PABPC1: variants seen among roughly 807,000 people sequenced by gnomAD.
The protein encoded by PABPC1 is poly(A) binding protein cytoplasmic 1, also known as polyadenylate-binding protein 1.
PABPC1 carries 4 observed loss-of-function variants against 74.0 expected under a neutral mutation model. The observed-to-expected ratio is 0.05, with a 90% CI of 0.03 to 0.12. The LOEUF is 0.12. PABPC1 is among the 10% of genes least tolerant of loss of function. PABPC1 has a pLI of 1.00. For missense variants in PABPC1, 271 were observed against 821.1 expected (o/e 0.33, Z 8.19); for synonymous variants, 227 against 264.1 (o/e 0.86, Z 1.36).
In PABPC1 at chr8:100,721,097, A is replaced by G. The variant is rs895367194; in HGVS notation, c.193+294T>C. Among the ~76,000 whole-genome samples, 2 of 152,028 alleles carry G rather than the reference A, an allele frequency of 1.3e-5. No individual in the cohort carries two copies. The highest frequency in any genetic ancestry group is 4.8e-5 in the African/African-American group (2 of 41,410). On this transcript the variant is annotated intron_variant, in intron 1 of 14. Coordinates refer to ENST00000318607, the MANE Select transcript of PABPC1 (RefSeq NM_002568.4). The surrounding 1 kb of genome is among the most constrained non-coding windows in gnomAD (Gnocchi z 7.4). Reference sequence around the variant, plus strand: ...CCACTGGCGGGAGCGCCGCGGAGGAACCGAATCTCACCCACCCTCCCGGCG... The same window carrying G: ...CCACTGGCGGGAGCGCCGCGGAGGAGCCGAATCTCACCCACCCTCCCGGCG...
At chr8:100,706,863 T>C (rs1231957412) in intron 10 of PABPC1, 24 bp downstream of exon 10, 1 of 1,069,436 alleles carries the variant, frequency 9.4e-7, no homozygotes, top group African/African-American at 2.0e-5. Flanking sequence ...GTGATCAATT[T>C]TTAAAGGAAG....
chr8:100,717,079 C>T (rs934226330), intron 3 of PABPC1, among the ~76,000 whole-genome samples: 3 of 152,116 alleles, frequency 2.0e-5, no homozygotes, highest in African/African-American at 4.8e-5. Flanking sequence ...GGCGAAATCT[C>T]GGTTCACTGC....
chr8:100,709,433 G>A, intron 8 of PABPC1, 26 bp downstream of exon 8: 1 of 1,613,248 alleles, frequency 6.2e-7, no homozygotes, highest in Non-Finnish European at 8.5e-7. Context: ...AAACCTTCAT[G>A]GTTCTGGTTG....
chr8:100,712,695 C>T lies in PABPC1; in HGVS notation c.833G>A (p.Arg278His). The change falls in exon 6 of 15, where the codon CGC becomes CAC. Residue 278 changes from arginine to histidine, a missense_variant. Physicochemically the swap from Arg to His is conservative, Grantham distance 29. Transcript: ENST00000318607. The stretch of plus-strand genomic sequence containing the variant: ...ATCTTGTTTCATCTGTTCAAATTTG[C>T]GCTTAAGTTCCGTCTGCCGTTCCAC... ...KKVERQTELK[R>H]KFEQMKQDRI... 2 of 1,569,612 alleles carry T rather than the reference C, an allele frequency of 1.3e-6. No individual in the cohort carries two copies. The highest frequency in any genetic ancestry group is 1.7e-6 in the Non-Finnish European group (2 of 1,163,624).
At chr8:100,709,011 T>C (rs986755719) in intron 9 of PABPC1, 122 bp downstream of exon 9, 6 of 799,644 alleles carry the variant, frequency 7.5e-6, no homozygotes, top group Non-Finnish European at 1.3e-5. Context: ...AAAATGAACA[T>C]CCATAACCAC....
chr8:100,706,012 T>C (rs1224525624), intron 11 of PABPC1, among the ~76,000 whole-genome samples: 3 of 152,180 alleles, frequency 2.0e-5, no homozygotes, highest in Non-Finnish European at 4.4e-5. Context: ...CAAGCCTGGC[T>C]AATCTTTATA....
In PABPC1 at chr8:100,712,704, T is replaced by C. The variant is rs1320609770; in HGVS notation, c.824A>G (p.Glu275Gly). The C allele has an allele frequency of 6.4e-7, 1 of 1,551,082 alleles. No individual in the cohort carries two copies. Among genetic ancestry groups the C allele is most frequent in the Non-Finnish European group, 8.8e-7 (1 of 1,142,418 alleles). ...CATCTGTTCAAATTTGCGCTTAAGT[T>C]CCGTCTGCCGTTCCACCTTTTTCTG... ...RAQKKVERQT[E>G]LKRKFEQMKQ... The change falls in exon 6 of 15, where the codon GAA (glutamate) becomes GGA (glycine). Residue 275 changes from glutamate to glycine, a missense_variant. This residue lies in a region of PABPC1 where 78 missense variants were observed against 202.8 expected (regional missense o/e 0.38). Transcript: ENST00000318607.
intron 1 of PABPC1, among the ~76,000 whole-genome samples, chr8:100,720,005 T>C (rs994655988): frequency 2.0e-5 from 3 of 152,260 alleles, no homozygotes; most frequent in African/African-American, 7.2e-5. Flanking sequence ...CCAAAATCAG[T>C]ATCAACTTTA....
intron 7 of PABPC1, 35 bp from the exon 8 acceptor site, chr8:100,709,766 G>A: frequency 1.3e-6 from 2 of 1,546,986 alleles, no homozygotes; most frequent in African/African-American, 1.4e-5. Context: ...TTAACGTAAT[G>A]GTAGAATGAG....
intron 7 of PABPC1, among the ~76,000 whole-genome samples, chr8:100,710,113 C>T (rs978245556): frequency 6.6e-6 from 1 of 152,140 alleles, no homozygotes; most frequent in Non-Finnish European, 1.5e-5. Flanking sequence ...TTTGACTATT[C>T]TAACAATTCA....
At chr8:100,703,521 T>C (rs759555120) in intron 14 of PABPC1, among the ~76,000 whole-genome samples, 162 bp from the exon 15 acceptor site, 1 of 152,328 alleles carries the variant, frequency 6.6e-6, no homozygotes, top group African/African-American at 2.4e-5. Context: ...TGTCTTGACA[T>C]GGTAACACTG....
At chr8:100,704,898 G>A (rs1810341927) in intron 13 of PABPC1, 28 bp downstream of exon 13, 2 of 1,610,354 alleles carry the variant, frequency 1.2e-6, no homozygotes, top group East Asian at 4.5e-5. Flanking sequence ...CTGTGTAAGA[G>A]GCAACTTGGT....
intron 9 of PABPC1, among the ~76,000 whole-genome samples, chr8:100,707,709 C>A (rs1030713398): frequency 6.6e-5 from 10 of 152,222 alleles, no homozygotes; most frequent in African/African-American, 2.4e-4. Flanking sequence ...GCAGGCAAGC[C>A]TGACTGATGT....
chr8:100,721,700 G>T lies in PABPC1; in HGVS notation c.-117C>A. On this transcript the variant is annotated 5_prime_UTR_variant, in exon 1 of 15. Transcript: ENST00000318607. The surrounding 1 kb of genome is among the most constrained non-coding windows in gnomAD (Gnocchi z 7.4). ...GGGGAGCGGGGAGCAAGCGCAGAGG[G>T]ACAAAAATCAACCGGAATTGAAAAC... is the stretch of plus-strand genomic sequence containing the variant. 1 of 874,968 alleles carries T rather than the reference G, an allele frequency of 1.1e-6. No individual in the cohort carries two copies. The highest frequency in any genetic ancestry group is 2.2e-5 in the South Asian group (1 of 44,858). The allele number at this position is 874,968 out of a possible 1,614,324, so 54.2% of individuals were successfully genotyped here.
intron 14 of PABPC1, 61 bp from the exon 15 acceptor site, chr8:100,703,420 G>C (rs776813512): frequency 7.2e-5 from 11 of 152,468 alleles, no homozygotes; most frequent in Non-Finnish European, 1.5e-4. Context: ...GCAAATTAAA[G>C]CCCTTAGCCA....
Position 100,721,645 on chromosome 8 carries a change from TGCCGGGGCTGGGG to T in PABPC1, c.-75_-63del. ...CTTTCCGTGAGAGGAGGAGAGCGAG[TGCCGGGGCTGGGG>T]GCCGGAGCCGGGGGGAGGGGAGCGG... On this transcript the variant is annotated 5_prime_UTR_variant, in exon 1 of 15. Coordinates refer to ENST00000318607, the MANE Select transcript of PABPC1 (RefSeq NM_002568.4). This position sits in a 1 kb window ranked among gnomAD's most constrained non-coding sequence, Gnocchi z 7.4. The T allele has an allele frequency of 1.0e-6, 1 of 996,288 alleles. No individual in the cohort carries two copies. Among genetic ancestry groups the T allele is most frequent in the Non-Finnish European group, 1.3e-6 (1 of 782,616 alleles). The allele number at this position is 996,288 out of a possible 1,614,324, so 61.7% of individuals were successfully genotyped here. A position where few individuals can be genotyped will look rare whatever the true frequency, so the allele number is the denominator to read the frequency against.
chr8:100,712,776 A>T lies in PABPC1; in HGVS notation c.752T>A (p.Met251Lys). 1 of 1,598,674 alleles carries T rather than the reference A, an allele frequency of 6.3e-7. No individual in the cohort carries two copies. The highest frequency in any genetic ancestry group is 8.5e-7 in the Non-Finnish European group (1 of 1,176,404). Residue 251 changes from methionine to lysine, a missense_variant, in exon 6 of 15, where the codon ATG becomes AAG. This residue lies in a region of PABPC1 where 78 missense variants were observed against 202.8 expected (regional missense o/e 0.38). Transcript: ENST00000318607. The stretch of plus-strand genomic sequence containing the variant: ...TTTTCCATTGAGCTCCTTTCCGTTC[A>T]TCTCATCCACAGCCTTCCCCCCAAA... Reference protein sequence around the residue: ...HEDAQKAVDEMNGKELNGKQI... With the variant: ...HEDAQKAVDEKNGKELNGKQI...
chr8:100,717,849 C>T lies in PABPC1; in HGVS notation c.427G>A (p.Val143Ile), dbSNP rs2129748808. The change falls in exon 3 of 15, where the codon GTA becomes ATA. Residue 143 changes from valine (V) to isoleucine (I), a missense_variant. Transcript: ENST00000318607. ...DENGSKGYGF[V>I]HFETQEAAER... ...GCTGCTTCCTGCGTCTCAAAGTGTA[C>T]AAATCCATAGCCCTTGGAACCATTT... 1.2e-6 allele frequency: 2 copies of T among 1,613,956 alleles called. No individual in the cohort carries two copies. Among genetic ancestry groups the T allele is most frequent in the Non-Finnish European group, 1.7e-6 (2 of 1,179,890 alleles).
chr8:100,713,251 C>A, intron 4 of PABPC1, 70 bp from the exon 5 acceptor site: 1 of 889,486 alleles, frequency 1.1e-6, no homozygotes, highest in Non-Finnish European at 1.6e-6. Context: ...CAAATTTCAA[C>A]ATACAAAGCC....
Sources: gnomAD v4.1 joint callset for allele counts (sites outside exome capture counted in the v4.1 genomes callset) on GRCh38, gnomAD v4.1.1 for gene constraint, gnomAD v4.1.1 regional missense constraint, Gnocchi (gnomAD v3.1) non-coding constraint, MANE v1.5 for transcripts, NCBI Gene and HGNC (gene_info 2026-07-23, HGNC 2026-07-21) for gene names.